GSTT4: variants seen among roughly 807,000 people sequenced by gnomAD.
GSTT4 encodes glutathione S-transferase theta 4, also known as glutathione S-transferase theta-4.
chr22:23,998,286 C>T (rs2146224447), downstream of GSTT4: 1 of 115,732 alleles, frequency 8.6e-6, no homozygotes, highest in East Asian at 2.2e-4. Flanking sequence ...ACAATGTAAC[C>T]ATATTTAACC....
At chr22:23,991,660 T>A in the GSTT4 span, among the ~76,000 whole-genome samples, 1 of 124,702 alleles carries the variant, frequency 8.0e-6, no homozygotes, top group Non-Finnish European at 1.8e-5. Context: ...CCCTCTTCAC[T>A]CATCCCTTGG....
chr22:23,996,432 G>A (rs2034115875), downstream of GSTT4, among the ~76,000 whole-genome samples: 1 of 152,164 alleles, frequency 6.6e-6, no homozygotes, highest in Non-Finnish European at 1.5e-5. Flanking sequence ...GATCTTAGGG[G>A]GGAAACGCTT....
Position 23,998,636 on chromosome 22 carries a change from T to G in GSTT4, c.632A>C (p.His211Pro), listed in dbSNP as rs1344815877. Residue 211 changes from histidine to proline, a missense_variant, in exon 5 of 5, where the codon CAT becomes CCT. Physicochemically the swap from His to Pro is moderately conservative, Grantham distance 77. Transcript: ENST00000621179. ...GTCGGCCAACTGCATTAGTCGATCA[T>G]GGGCCTCCCTAAAGAGGCCAGAGCC... ...NIGSGLFREAHDRLMQLADWD... is the reference protein window; with the variant it reads ...NIGSGLFREAPDRLMQLADWD... The G allele has an allele frequency of 6.5e-6, 1 of 154,948 alleles. No individual in the cohort carries two copies. Among genetic ancestry groups the G allele is most frequent in the Non-Finnish European group, 1.5e-5 (1 of 68,174 alleles). The allele number at this position is 154,948 out of a possible 1,614,324, so 9.6% of individuals were successfully genotyped here.
chr22:23,997,299 C>T (rs2034125719), downstream of GSTT4, among the ~76,000 whole-genome samples: 1 of 151,984 alleles, frequency 6.6e-6, no homozygotes, highest in South Asian at 2.1e-4. Flanking sequence ...TCGGTGTAAC[C>T]TTGAACTCTT....
the GSTT4 span, among the ~76,000 whole-genome samples, chr22:23,990,191 AG>A: frequency 6.7e-6 from 1 of 149,582 alleles, no homozygotes; most frequent in Non-Finnish European, 1.5e-5. Context: ...GCCCTGCCAC[AG>A]GGCCCTCCAG....
At chr22:23,998,970 T>C (rs1415748714) in intron 4 of GSTT4, among the ~76,000 whole-genome samples, 3 of 152,266 alleles carry the variant, frequency 2.0e-5, no homozygotes, top group African/African-American at 7.2e-5. Context: ...CCAAGCCTTC[T>C]GAACCATGCT....
the GSTT4 span, among the ~76,000 whole-genome samples, chr22:23,990,795 C>T: frequency 3.1e-5 from 3 of 97,834 alleles, no homozygotes; most frequent in Admixed American, 1.2e-4. Flanking sequence ...TCCCTACCCT[C>T]GTTCTGTGCC....
downstream of GSTT4, among the ~76,000 whole-genome samples, chr22:23,996,175 C>T (rs542910763): frequency 6.6e-5 from 10 of 152,230 alleles, no homozygotes; most frequent in East Asian, 1.9e-3. Context: ...AACTTCTGAC[C>T]TCATGATCTG....
At chr22:23,992,320 C>T in the GSTT4 span, among the ~76,000 whole-genome samples, 1 of 143,882 alleles carries the variant, frequency 7.0e-6, no homozygotes, top group Admixed American at 7.2e-5. Context: ...TGGCATTGCA[C>T]AGTAAATTAA....
At chr22:24,001,708 G>C (rs2034234432) in intron 2 of GSTT4, among the ~76,000 whole-genome samples, 5 of 152,382 alleles carry the variant, frequency 3.3e-5, no homozygotes. Flanking sequence ...AAAAACGGGG[G>C]GGCACGATGG....
At chr22:23,994,712 G>A (rs186144789), downstream of GSTT4, among the ~76,000 whole-genome samples, 1,276 of 151,922 alleles carry the variant, frequency 8.4e-3, 3 homozygotes, top group Middle Eastern at 0.034. Flanking sequence ...AACAATGTGA[G>A]CACTAAAGGC....
At chr22:24,002,847 A>AT (rs1432605881) in intron 2 of GSTT4, among the ~76,000 whole-genome samples, 1 of 152,170 alleles carries the variant, frequency 6.6e-6, no homozygotes, top group Non-Finnish European at 1.5e-5. Context: ...AAAAAAAAAA[A>AT]AAACTTCTTT....
downstream of GSTT4, among the ~76,000 whole-genome samples, chr22:23,996,751 T>C (rs1330633820): frequency 1.3e-5 from 2 of 152,238 alleles, no homozygotes; most frequent in African/African-American, 4.8e-5. Context: ...TTGCTGAGGA[T>C]TTTTACATCT....
the GSTT4 span, among the ~76,000 whole-genome samples, chr22:23,989,566 C>T: frequency 2.7e-3 from 394 of 146,176 alleles, no homozygotes; most frequent in African/African-American, 9.1e-3. Context: ...GGGACTTAGG[C>T]CCTACTGGCC....
downstream of GSTT4, among the ~76,000 whole-genome samples, chr22:23,996,580 C>T (rs1181851612): frequency 3.3e-5 from 5 of 152,100 alleles, no homozygotes; most frequent in South Asian, 4.1e-4. Flanking sequence ...TTGTCAAATG[C>T]CTTCTGTGCA....
intron 1 of GSTT4, 137 bp downstream of exon 1, chr22:24,005,108 C>A (rs193159047): frequency 7.9e-6 from 1 of 126,434 alleles, no homozygotes; most frequent in African/African-American, 2.9e-5. Flanking sequence ...TTGCAGTGAG[C>A]CGAGATAGCA....
At chr22:23,995,133 G>GT (rs766543364), downstream of GSTT4, among the ~76,000 whole-genome samples, 3 of 139,430 alleles carry the variant, frequency 2.2e-5, no homozygotes, top group South Asian at 2.4e-4. Context: ...TTTTTTTTTT[G>GT]TTTGTTTGTT....
At chr22:24,004,318 G>A (rs2034303338) in intron 1 of GSTT4, 1 of 152,738 alleles carries the variant, frequency 6.5e-6, no homozygotes, top group East Asian at 1.9e-4. Flanking sequence ...ATCTTAACAG[G>A]GAACCTGAGG....
intron 4 of GSTT4, among the ~76,000 whole-genome samples, chr22:23,998,987 G>C (rs1055855529): frequency 6.6e-6 from 1 of 152,244 alleles, no homozygotes; most frequent in African/African-American, 2.4e-5. Flanking sequence ...TGCTGAGAGG[G>C]CTCCTGGCCC....
Sources: allele counts gnomAD v4.1 joint callset (sites outside exome capture counted in the v4.1 genomes callset), GRCh38; gene constraint gnomAD v4.1.1; transcripts MANE v1.5; gene names NCBI Gene and HGNC (gene_info 2026-07-23, HGNC 2026-07-21).